The following GRB14 variants were observed in gnomAD, a reference collection of about 807,000 sequenced individuals.
GRB14 encodes the protein growth factor receptor bound protein 14.
Under a neutral mutation model 69.1 loss-of-function variants are expected in GRB14, and 38 were observed. The ratio of observed to expected loss-of-function variants is 0.55; its 90% confidence interval spans 0.42 to 0.72. The LOEUF (loss-of-function observed/expected upper bound fraction) is 0.72. Among genes scored for constraint, GRB14 ranks in the 30% least tolerant of loss-of-function variants. GRB14 has a pLI of 0.00. For synonymous variants in GRB14, 247 were observed against 241.3 expected (o/e 1.02, Z -0.22); for missense variants, 666 against 666.1 (o/e 1.00, Z 0.00).
chr2:164,547,750 G>C lies in GRB14; in HGVS notation c.391C>G (p.Arg131Gly), dbSNP rs199699779. ...ALDVPSDITA[R>G]DVCQLLILKN... ...AGGATCAACAGCTGACAAACATCTCGAGCCGTTATGTCACTGGGTACATCT... is the reference window on the plus strand; with the variant it reads ...AGGATCAACAGCTGACAAACATCTCCAGCCGTTATGTCACTGGGTACATCT... The change falls in exon 3 of 14, where the codon CGA becomes GGA. Residue 131 changes from arginine to glycine, a missense_variant. Arg to Gly is a moderately radical substitution (Grantham distance 125). Coordinates refer to ENST00000263915, the MANE Select transcript of GRB14 (RefSeq NM_004490.3). 3.1e-6 allele frequency: 5 copies of C among 1,613,514 alleles called. No homozygotes were observed. In the Admixed American group the frequency reaches 8.3e-5, roughly 27 times the overall value.
chr2:164,620,304 G>C (rs896769693), intron 1 of GRB14, among the ~76,000 whole-genome samples: 1 of 152,102 alleles, frequency 6.6e-6, no homozygotes, highest in African/African-American at 2.4e-5. Flanking sequence ...TGGAAGTTAT[G>C]ATTTATTAAT....
intron 2 of GRB14, among the ~76,000 whole-genome samples, chr2:164,618,520 A>T (rs1445235294): frequency 6.6e-6 from 1 of 152,128 alleles, no homozygotes; most frequent in Non-Finnish European, 1.5e-5. Context: ...AAAGATGCCA[A>T]TTCAGAACAT....
At chr2:164,546,754 C>T (rs955673450) in intron 3 of GRB14, among the ~76,000 whole-genome samples, 1 of 152,154 alleles carries the variant, frequency 6.6e-6, no homozygotes, top group Non-Finnish European at 1.5e-5. Context: ...AGAAATATCC[C>T]TGAGGACAGG....
rs140475764 is a variant in GRB14, at chr2:164,581,771, T to C, written c.325-33955A>G. Among the ~76,000 whole-genome samples, 290 of 152,368 alleles carry C rather than the reference T, an allele frequency of 1.9e-3. 1 individual carries two copies. The highest frequency in any genetic ancestry group is 6.3e-3 in the African/African-American group (260 of 41,596). On this transcript the variant is annotated intron_variant, in intron 2 of 13. Coordinates refer to ENST00000263915, the MANE Select transcript of GRB14 (RefSeq NM_004490.3). The stretch of plus-strand genomic sequence containing the variant: ...CCAGCTTCTTAGAAGTTCTATATTA[T>C]GATCTCTTCTCTTTCCTGGATAGTT...
chr2:164,553,950 G>C (rs1688610915), intron 2 of GRB14, among the ~76,000 whole-genome samples: 1 of 151,996 alleles, frequency 6.6e-6, no homozygotes, highest in South Asian at 2.1e-4. Flanking sequence ...GCAACACTCT[G>C]ACTCAATAAA....
At chr2:164,573,857 T>C (rs1689179397) in intron 2 of GRB14, 5 of 1,613,008 alleles carry the variant, frequency 3.1e-6, no homozygotes, top group Non-Finnish European at 3.4e-6. Flanking sequence ...GATTGTAAAT[T>C]TGATTAGAAA....
chr2:164,606,462 TGACTA>T (rs1385912748), intron 2 of GRB14, among the ~76,000 whole-genome samples: 3 of 152,226 alleles, frequency 2.0e-5, no homozygotes, highest in Non-Finnish European at 1.5e-5. Flanking sequence ...TTGTCTTTCT[TGACTA>T]AAGAGTCAAT....
intron 2 of GRB14, among the ~76,000 whole-genome samples, chr2:164,586,290 A>C (rs1689538241): frequency 6.6e-6 from 1 of 152,172 alleles, no homozygotes; most frequent in South Asian, 2.1e-4. Context: ...GTTGCATTGG[A>C]GTTAATCTTT....
intron 5 of GRB14, among the ~76,000 whole-genome samples, chr2:164,523,807 A>G (rs1687698670): frequency 6.6e-6 from 1 of 152,026 alleles, no homozygotes; most frequent in Non-Finnish European, 1.5e-5. Context: ...AAAGCCTGTG[A>G]TTTTTCTTGT....
intron 8 of GRB14, among the ~76,000 whole-genome samples, chr2:164,506,952 T>C (rs1656712334): frequency 1.3e-5 from 2 of 152,112 alleles, no homozygotes; most frequent in Non-Finnish European, 2.9e-5. Context: ...GGCAAATTGG[T>C]GATTGCTAGG....
chr2:164,541,428 C>T (rs572149607), intron 3 of GRB14, among the ~76,000 whole-genome samples: 98 of 151,720 alleles, frequency 6.5e-4, no homozygotes, highest in Non-Finnish European at 1.0e-3. Flanking sequence ...GCCAAGATTG[C>T]GCCATTGCAC....
At position 164,621,164 on chromosome 2, in the gene GRB14, G is replaced by C; in HGVS notation, c.146C>G (p.Ala49Gly). Residue 49 changes from alanine to glycine, a missense_variant, in exon 1 of 14, where the codon GCG becomes GGG. Physicochemically the swap from Ala to Gly is moderately conservative, Grantham distance 60 (BLOSUM62 0). Coordinates refer to ENST00000263915, the MANE Select transcript of GRB14 (RefSeq NM_004490.3). The surrounding 1 kb of genome is among the most constrained non-coding windows in gnomAD (Gnocchi z 6.0). The part of the protein sequence containing the change: ...LAPAPWLHAR[A>G]LLPLPDGTRG... Reference sequence around the variant, plus strand: ...GGTCCCGTCCGGAAGGGGCAGGAGCGCTCGCGCGTGCAGCCAGGGGGCCGG... The same window carrying C: ...GGTCCCGTCCGGAAGGGGCAGGAGCCCTCGCGCGTGCAGCCAGGGGGCCGG... 3 of 1,244,612 alleles carry C rather than the reference G, an allele frequency of 2.4e-6. No homozygotes were observed. The highest frequency in any genetic ancestry group is 3.0e-6 in the Non-Finnish European group (3 of 988,136). 77.1% of individuals were successfully genotyped at this position (1,244,612 alleles called of 1,614,324 possible).
intron 2 of GRB14, among the ~76,000 whole-genome samples, chr2:164,555,264 T>G (rs1688648998): frequency 1.3e-5 from 2 of 152,204 alleles, no homozygotes; most frequent in Admixed American, 1.3e-4. Flanking sequence ...GCATTGTCAA[T>G]GGTCGTTTGA....
intron 2 of GRB14, among the ~76,000 whole-genome samples, chr2:164,553,156 T>C (rs1325998464): frequency 6.6e-6 from 1 of 152,138 alleles, no homozygotes; most frequent in Non-Finnish European, 1.5e-5. Context: ...TCAGAGAAGC[T>C]AAGAAAATGA....
intron 2 of GRB14, among the ~76,000 whole-genome samples, chr2:164,618,938 G>A (rs1355333331): frequency 6.6e-6 from 1 of 152,024 alleles, no homozygotes; most frequent in Non-Finnish European, 1.5e-5. Flanking sequence ...TGTTTTGCTG[G>A]GTCAAAACTG....
At chr2:164,572,979 A>G (rs1353145782) in intron 2 of GRB14, among the ~76,000 whole-genome samples, 2 of 152,142 alleles carry the variant, frequency 1.3e-5, no homozygotes, top group Non-Finnish European at 2.9e-5. Context: ...CTCATTGCCT[A>G]GCTAGGTTCA....
At chr2:164,543,321 TG>T (rs1688285982) in intron 3 of GRB14, among the ~76,000 whole-genome samples, 1 of 147,098 alleles carries the variant, frequency 6.8e-6, no homozygotes, top group South Asian at 2.1e-4. Context: ...AAAAAAAAAG[TG>T]GTACATATAA....
At chr2:164,594,295 A>G (rs71426731) in intron 2 of GRB14, among the ~76,000 whole-genome samples, 2,306 of 152,316 alleles carry the variant, frequency 0.015, 31 homozygotes, top group Non-Finnish European at 0.024. Context: ...CCTCATTTTT[A>G]TAAGACTTAT....
intron 4 of GRB14, among the ~76,000 whole-genome samples, chr2:164,525,666 CTA>C (rs1025000166): frequency 6.6e-5 from 10 of 152,160 alleles, no homozygotes; most frequent in Admixed American, 3.3e-4. Flanking sequence ...GTCCTGGATT[CTA>C]TGTTTTTAAT....
Sources: gnomAD v4.1 joint callset for allele counts (sites outside exome capture counted in the v4.1 genomes callset) on GRCh38, gnomAD v4.1.1 for gene constraint, Gnocchi (gnomAD v3.1) non-coding constraint, MANE v1.5 for transcripts, NCBI Gene and HGNC (gene_info 2026-07-23, HGNC 2026-07-21) for gene names.